The following ITK variants were observed in gnomAD, a reference collection of about 807,000 sequenced individuals.
ITK encodes the protein tyrosine-protein kinase ITK/TSK.
ITK carries 45 observed loss-of-function variants against 87.6 expected under a neutral mutation model. That is an observed-to-expected ratio of 0.51 (90% confidence interval 0.40 to 0.66). The LOEUF (loss-of-function observed/expected upper bound fraction) is 0.66, where lower values mean the gene tolerates loss of function less well. Among genes scored for constraint, ITK ranks in the 30% least tolerant of loss-of-function variants. ITK has a pLI of 0.00. For missense variants in ITK, 605 were observed against 766.3 expected (o/e 0.79, Z 2.48); for synonymous variants, 303 against 273.6 (o/e 1.11, Z -1.06).
chr5:157,211,812 G>A (rs1431113347), intron 3 of ITK, among the ~76,000 whole-genome samples: 2 of 152,136 alleles, frequency 1.3e-5, no homozygotes, highest in Non-Finnish European at 1.5e-5. Flanking sequence ...ACACTTGGGC[G>A]AGTTCCTTAA....
chr5:157,207,419 C>T (rs1437111634), intron 1 of ITK, among the ~76,000 whole-genome samples: 2 of 95,604 alleles, frequency 2.1e-5, no homozygotes, highest in African/African-American at 7.3e-5. Context: ...CTTGCTCTGT[C>T]GCCCAGGCTG....
chr5:157,203,221 T>C (rs189843245), intron 1 of ITK, among the ~76,000 whole-genome samples: 1 of 152,362 alleles, frequency 6.6e-6, no homozygotes, highest in Admixed American at 6.5e-5. Context: ...TGAGAGTCTA[T>C]CATGTTCATC....
intron 5 of ITK, among the ~76,000 whole-genome samples, chr5:157,220,666 C>T (rs1166406778): frequency 6.6e-6 from 1 of 152,130 alleles, no homozygotes; most frequent in African/African-American, 2.4e-5. Context: ...CCTTCCTGAG[C>T]CCACAGACTC....
chr5:157,225,226 C>G (rs1160445767), intron 6 of ITK, among the ~76,000 whole-genome samples: 2 of 152,114 alleles, frequency 1.3e-5, no homozygotes, highest in African/African-American at 4.8e-5. Context: ...AACTACTGTA[C>G]TCGAGAAATT....
intron 6 of ITK, among the ~76,000 whole-genome samples, chr5:157,225,296 T>G (rs1160352404): frequency 6.6e-6 from 1 of 152,184 alleles, no homozygotes; most frequent in Non-Finnish European, 1.5e-5. Context: ...ATACCTGGCC[T>G]ATATGTCACA....
intron 1 of ITK, among the ~76,000 whole-genome samples, chr5:157,204,925 C>T (rs1754050583): frequency 6.6e-6 from 1 of 152,092 alleles, no homozygotes; most frequent in African/African-American, 2.4e-5. Flanking sequence ...TATCTCAGTT[C>T]TGTTCCTCAG....
chr5:157,221,007 T>G (rs1233368873), intron 5 of ITK, among the ~76,000 whole-genome samples: 1 of 152,090 alleles, frequency 6.6e-6, no homozygotes, highest in Non-Finnish European at 1.5e-5. Context: ...TACAGGCACT[T>G]GCCACCACAC....
At chr5:157,209,071 C>T in intron 2 of ITK, 78 bp downstream of exon 2, 1 of 977,044 alleles carries the variant, frequency 1.0e-6, no homozygotes. Flanking sequence ...TGCAGTGGTT[C>T]AAGCCTGTAA....
Position 157,223,061 on chromosome 5 carries a change from G to A in ITK, c.647+47G>A, listed in dbSNP as rs115101803. 1,372 of 1,608,158 alleles carry A rather than the reference G, an allele frequency of 8.5e-4. 11 individuals are homozygous for A. In the African/African-American group the frequency reaches 0.016, roughly 19 times the overall value. ...TGTCCCCGTGTTTGAGGTGTGGTGC[G>A]AACAAATAAAATACCAGGATGATTT... On this transcript the variant is annotated intron_variant, in intron 6 of 16. Coordinates refer to ENST00000422843, the MANE Select transcript of ITK (RefSeq NM_005546.4).
At chr5:157,238,974 G>A (rs1271106441) in intron 9 of ITK, among the ~76,000 whole-genome samples, 2 of 152,168 alleles carry the variant, frequency 1.3e-5, no homozygotes, top group Non-Finnish European at 2.9e-5. Flanking sequence ...CTGAGGATGT[G>A]AGCAGGACGT....
rs1754492096 is a variant in ITK at position 157,224,530 on chromosome 5, C to T, written c.647+1516C>T. ...GTGGCTCAGGCCTGTAATCCCAGCACTTTGATTGGGAGGCCAAGGTGGGCT... is the reference window on the plus strand; with the variant it reads ...GTGGCTCAGGCCTGTAATCCCAGCATTTTGATTGGGAGGCCAAGGTGGGCT... On this transcript the variant is annotated intron_variant, in intron 6 of 16. Coordinates refer to ENST00000422843, the MANE Select transcript of ITK (RefSeq NM_005546.4). The T allele has an allele frequency of 6.6e-5, 10 of 152,080 alleles. No homozygotes were observed. In the South Asian group the frequency reaches 1.7e-3, roughly 25 times the overall value. The allele number at this position is 152,080 out of a possible 1,614,324, so 9.4% of individuals were successfully genotyped here.
chr5:157,252,696 G>A lies in ITK; in HGVS notation c.*18G>A, dbSNP rs1250347567. 2 of 1,565,990 alleles carry A rather than the reference G, an allele frequency of 1.3e-6. No individual in the cohort carries two copies. On this transcript the variant is annotated 3_prime_UTR_variant, in exon 17 of 17. Transcript: ENST00000422843. ...GACTTTAGTAGAGACTGAGTACCAGGCCACGGGCTGCAGATCCTGAATGGA... is the reference window on the plus strand; with the variant it reads ...GACTTTAGTAGAGACTGAGTACCAGACCACGGGCTGCAGATCCTGAATGGA...
chr5:157,241,750 A>G (rs564057382), intron 11 of ITK, 30 bp downstream of exon 11: 4 of 1,563,094 alleles, frequency 2.6e-6, no homozygotes, highest in Non-Finnish European at 2.6e-6. Context: ...ATGTAAACTC[A>G]TGTCCCTAAA....
chr5:157,232,316 CAT>C (rs1444846223), intron 7 of ITK, 22 bp from the exon 8 acceptor site: 2 of 1,546,924 alleles, frequency 1.3e-6, no homozygotes, highest in Admixed American at 1.7e-5. Context: ...ATGTCATTGA[CAT>C]ATGACTTTTC....
chr5:157,198,918 A>G (rs1185154313), intron 1 of ITK, among the ~76,000 whole-genome samples: 2 of 152,136 alleles, frequency 1.3e-5, no homozygotes, highest in African/African-American at 4.8e-5. Flanking sequence ...ATGTGCCACC[A>G]CACCTGGCTA....
chr5:157,185,398 T>G (rs1580871411), intron 1 of ITK, among the ~76,000 whole-genome samples: 2 of 152,044 alleles, frequency 1.3e-5, no homozygotes, highest in South Asian at 4.1e-4. Flanking sequence ...GCCATCATGC[T>G]TGGCTAATTT....
intron 8 of ITK, among the ~76,000 whole-genome samples, chr5:157,233,928 GATACATATATATATATAT>G (rs1490723065): frequency 6.6e-5 from 3 of 45,544 alleles, no homozygotes; most frequent in Admixed American, 4.4e-4. Flanking sequence ...CCTCCTTACT[GATACATATATATATATAT>G]ATATATATAT....
chr5:157,188,327 T>C (rs555573762), intron 1 of ITK, among the ~76,000 whole-genome samples: 1 of 152,288 alleles, frequency 6.6e-6, no homozygotes, highest in East Asian at 1.9e-4. Context: ...CTATTTAGGG[T>C]ATTTAAATAA....
intron 7 of ITK, among the ~76,000 whole-genome samples, chr5:157,229,152 C>A (rs1015755844): frequency 1.3e-5 from 2 of 151,992 alleles, no homozygotes; most frequent in Admixed American, 1.3e-4. Context: ...TAGTAGAATG[C>A]CAACTAATGA....
Sources: allele counts gnomAD v4.1 joint callset (sites outside exome capture counted in the v4.1 genomes callset), GRCh38; gene constraint gnomAD v4.1.1; transcripts MANE v1.5; gene names NCBI Gene and HGNC (gene_info 2026-07-23, HGNC 2026-07-21).